HERC1: variants seen among roughly 807,000 people sequenced by gnomAD.
HERC1 encodes probable E3 ubiquitin-protein ligase HERC1.
Under a neutral mutation model 554.3 loss-of-function variants are expected in HERC1, and 160 were observed. The observed-to-expected ratio is 0.29, with a 90% confidence interval of 0.25 to 0.33. The LOEUF is 0.33. HERC1 is among the 10% of genes least tolerant of loss of function. The pLI, the probability that HERC1 is intolerant of heterozygous loss-of-function variation, is 1.00. For synonymous variants in HERC1, 2,175 were observed against 2,131.7 expected, an observed-to-expected ratio of 1.02 and a Z score of -0.56; for missense variants, 4,919 against 5,918.5, an observed-to-expected ratio of 0.83 and a Z score of 5.54.
chr15:63,710,488 C>A (rs1370398297), intron 24 of HERC1, among the ~76,000 whole-genome samples: 1 of 152,106 alleles, frequency 6.6e-6, no homozygotes, highest in Non-Finnish European at 1.5e-5. Flanking sequence ...CTACCTACCA[C>A]GTGCTATTAT....
At chr15:63,637,401 A>T (rs990373485) in intron 64 of HERC1, 104 bp downstream of exon 64, 38 of 507,026 alleles carry the variant, frequency 7.5e-5, no homozygotes, top group Non-Finnish European at 1.3e-4. Context: ...TGAAAACCTG[A>T]TATGATTTTA....
At chr15:63,761,362 T>C (rs1010639857) in intron 3 of HERC1, among the ~76,000 whole-genome samples, 5 of 152,122 alleles carry the variant, frequency 3.3e-5, no homozygotes, top group Middle Eastern at 3.2e-3. Context: ...GAAGGATCAC[T>C]TGAGCTCAGG....
chr15:63,679,979 A>T, intron 36 of HERC1, 98 bp downstream of exon 36: 1 of 788,132 alleles, frequency 1.3e-6, no homozygotes. Context: ...AAGTACTTTT[A>T]ATGGCAGAAG....
rs191996037 is a variant in HERC1 at position 63,681,227 on chromosome 15, G to A, written c.6226-451C>T. 1.1e-3 allele frequency among the ~76,000 whole-genome samples: 168 copies of A among 152,034 alleles called. 1 individual carries two copies. The highest frequency in any genetic ancestry group is 3.9e-3 in the African/African-American group (163 of 41,468). On this transcript the variant is annotated intron_variant, in intron 34 of 77. Transcript: ENST00000443617. ...TGTTTTTAATTTTCTAAAGAGATGGGGTCTCACTCTGTTTCCCAGGCTGGA... is the reference window on the plus strand; with the variant it reads ...TGTTTTTAATTTTCTAAAGAGATGGAGTCTCACTCTGTTTCCCAGGCTGGA...
chr15:63,687,997 C>A (rs188080697), intron 33 of HERC1, among the ~76,000 whole-genome samples: 49 of 152,290 alleles, frequency 3.2e-4, no homozygotes, highest in African/African-American at 1.1e-3. Context: ...CAAAGAATGA[C>A]GAGAAACCAT....
Position 63,680,867 on chromosome 15 carries a change from A to G in HERC1, c.6226-91T>C, listed in dbSNP as rs1458996814. Reference sequence around the variant, plus strand: ...ACCAATACTGAAAATATGTTTATAAATAATACTAATGCATTTATGGAAACA... The same window carrying G: ...ACCAATACTGAAAATATGTTTATAAGTAATACTAATGCATTTATGGAAACA... On this transcript the variant is annotated intron_variant, in intron 34 of 77. Transcript: ENST00000443617. This position sits in a 1 kb window ranked among gnomAD's most constrained non-coding sequence, Gnocchi z 5.8. 1.2e-6 allele frequency: 1 copy of G among 800,890 alleles called. No homozygotes were observed. The highest frequency in any genetic ancestry group is 2.0e-6 in the Non-Finnish European group (1 of 490,126). The allele number at this position is 800,890 out of a possible 1,614,324, so 49.6% of individuals were successfully genotyped here. A position where few individuals can be genotyped will look rare whatever the true frequency, so the allele number is the denominator to read the frequency against.
intron 61 of HERC1, among the ~76,000 whole-genome samples, chr15:63,639,151 T>G (rs568782481): frequency 6.6e-6 from 1 of 152,302 alleles, no homozygotes; most frequent in South Asian, 2.1e-4. Flanking sequence ...AATTACAGAG[T>G]TGGGCCAAAT....
intron 16 of HERC1, among the ~76,000 whole-genome samples, chr15:63,728,427 T>C (rs1317226989): frequency 2.0e-5 from 3 of 152,208 alleles, no homozygotes. Context: ...ATGAGCTCAG[T>C]TTGAAAATAT....
intron 8 of HERC1, among the ~76,000 whole-genome samples, chr15:63,750,101 C>T (rs1001444159): frequency 6.6e-5 from 10 of 152,220 alleles, no homozygotes; most frequent in Non-Finnish European, 1.2e-4. Context: ...TGCCCCATCT[C>T]ACCAGCTTTG....
At chr15:63,618,894 G>C (rs574348371) in intron 74 of HERC1, among the ~76,000 whole-genome samples, 2 of 152,212 alleles carry the variant, frequency 1.3e-5, no homozygotes, top group African/African-American at 4.8e-5. Flanking sequence ...GGAGATTTTG[G>C]GATGAGATGA....
chr15:63,830,243 T>C (rs1399694165), intron 1 of HERC1, among the ~76,000 whole-genome samples: 1 of 152,156 alleles, frequency 6.6e-6, no homozygotes, highest in Non-Finnish European at 1.5e-5. Flanking sequence ...AAAATACCAC[T>C]AGCAAAAAGA....
chr15:63,765,554 G>C (rs2075747531), intron 2 of HERC1, among the ~76,000 whole-genome samples: 1 of 151,992 alleles, frequency 6.6e-6, no homozygotes. Context: ...CTGCTACTTG[G>C]AGGCTTCATC....
intron 48 of HERC1, among the ~76,000 whole-genome samples, chr15:63,657,633 T>C (rs749165888): frequency 1.3e-5 from 2 of 152,238 alleles, no homozygotes; most frequent in African/African-American, 2.4e-5. Context: ...TCTATTTTAT[T>C]GTATTCCAAT....
Position 63,640,212 on chromosome 15 carries a change from T to C in HERC1, c.11841A>G (p.Pro3947=), listed in dbSNP as rs375308854. ...AEALTNGAQF[P]ESFTVPDLEP... The stretch of plus-strand genomic sequence containing the variant: ...CTAGATCTGGAACGGTAAAAGATTC[T>C]GGAAACTGGGCTCCATTGGTCAGGG... Residue 3947 remains proline, a synonymous_variant, in exon 61 of 78, where the codon CCA becomes CCG. Transcript: ENST00000443617. The C allele has an allele frequency of 1.5e-5, 24 of 1,613,970 alleles. No homozygotes were observed. Among genetic ancestry groups the C allele is most frequent in the Middle Eastern group, 3.3e-4 (2 of 6,060 alleles).
At chr15:63,623,931 C>A (rs775103453) in intron 72 of HERC1, 41 bp from the exon 73 acceptor site, 2 of 1,591,184 alleles carry the variant, frequency 1.3e-6, no homozygotes, top group Admixed American at 1.7e-5. Context: ...ACAACTCTTA[C>A]CAATTTCCCC....
At chr15:63,693,048 G>C (rs2072200867) in intron 30 of HERC1, among the ~76,000 whole-genome samples, 1 of 151,918 alleles carries the variant, frequency 6.6e-6, no homozygotes, top group Non-Finnish European at 1.5e-5. Flanking sequence ...GGGTGTGGTG[G>C]CACACGCTTG....
rs1487181991 is a variant in HERC1 at position 63,747,733 on chromosome 15, G to C, written c.2345C>G (p.Pro782Arg). 2.6e-6 allele frequency: 4 copies of C among 1,544,810 alleles called. No individual in the cohort carries two copies. The highest frequency in any genetic ancestry group is 3.5e-6 in the Non-Finnish European group (4 of 1,141,258). ...CATACATATAACATACCTTGATGAAGGGAAAGGGAGTGGGGGAATCTCACT... is the reference window on the plus strand; with the variant it reads ...CATACATATAACATACCTTGATGAACGGAAAGGGAGTGGGGGAATCTCACT... ...INSEIPPLPF[P>R]SSREHHSFLK... Residue 782 changes from proline to arginine, a missense_variant, in exon 11 of 78, where the codon CCT becomes CGT. By Grantham distance (103) the Pro-to-Arg change is moderately radical. Transcript: ENST00000443617.
intron 1 of HERC1, among the ~76,000 whole-genome samples, chr15:63,806,217 G>A (rs1464371737): frequency 2.6e-5 from 4 of 151,034 alleles, no homozygotes; most frequent in Admixed American, 2.0e-4. Flanking sequence ...CCAGGCTAGA[G>A]TGCAGTGGCT....
At chr15:63,735,298 C>A (rs1054228771) in intron 12 of HERC1, among the ~76,000 whole-genome samples, 3 of 148,634 alleles carry the variant, frequency 2.0e-5, no homozygotes, top group African/African-American at 7.5e-5. Flanking sequence ...GGCCTATGGG[C>A]TCATGGAAGA....
Sources: allele counts gnomAD v4.1 joint callset (sites outside exome capture counted in the v4.1 genomes callset), GRCh38; gene constraint gnomAD v4.1.1; non-coding constraint Gnocchi (gnomAD v3.1); transcripts MANE v1.5; gene names NCBI Gene and HGNC (gene_info 2026-07-23, HGNC 2026-07-21).